The following FAM227A variants were observed in gnomAD, a reference collection of about 807,000 sequenced individuals.
FAM227A encodes the protein protein FAM227A.
In FAM227A, 80 loss-of-function variants were observed where a neutral mutation model predicts 74.7. That is an observed-to-expected ratio of 1.07 (90% CI 0.89 to 1.29). The LOEUF (loss-of-function observed/expected upper bound fraction) is 1.29, where lower values mean the gene tolerates loss of function less well. Among genes scored for constraint, FAM227A ranks in the 50% most tolerant of loss-of-function variants. The pLI is 0.00. For synonymous variants in FAM227A, 237 were observed against 241.8 expected (o/e 0.98, Z 0.19); for missense variants, 654 against 683.4 (o/e 0.96, Z 0.48).
chr22:38,580,557 A>C lies in FAM227A; in HGVS notation c.*5568T>G, dbSNP rs1240883079. 1.3e-5 allele frequency: 2 copies of C among 152,214 alleles called. No individual in the cohort carries two copies. The highest frequency in any genetic ancestry group is 4.8e-5 in the African/African-American group (2 of 41,450). 9.4% of individuals were successfully genotyped at this position (152,214 alleles called of 1,614,324 possible). On this transcript the variant is annotated 3_prime_UTR_variant, in exon 17 of 17. Transcript: ENST00000535113. ...AGCCATGGATAATCAACCTAGATCC[A>C]TTAATTCATTAGGGGTTTCAAAATG...
chr22:38,640,190 C>T (rs796642082), intron 3 of FAM227A, among the ~76,000 whole-genome samples: 2 of 151,972 alleles, frequency 1.3e-5, no homozygotes, highest in Non-Finnish European at 2.9e-5. Flanking sequence ...CCTGCCACCA[C>T]GCCCGGCTAA....
chr22:38,636,613 A>G lies in FAM227A; in HGVS notation c.373-16T>C. On this transcript the variant is annotated splice_polypyrimidine_tract_variant and intron_variant, in intron 5 of 16. Transcript: ENST00000535113. The stretch of plus-strand genomic sequence containing the variant: ...CTGCTGTTTTCTGAAGCAAAAGAGC[A>G]GAATATGAAAATGGGGTTCACATTT... The G allele has an allele frequency of 6.5e-7, 1 of 1,549,124 alleles. No homozygotes were observed. Among genetic ancestry groups the G allele is most frequent in the Non-Finnish European group, 8.7e-7 (1 of 1,145,850 alleles).
At chr22:38,642,512 T>C (rs1453610441) in intron 3 of FAM227A, among the ~76,000 whole-genome samples, 2 of 152,134 alleles carry the variant, frequency 1.3e-5, no homozygotes, top group African/African-American at 4.8e-5. Context: ...ATGAAGGAAA[T>C]GATAAGTTAG....
At chr22:38,628,178 G>T in intron 8 of FAM227A, 60 bp downstream of exon 8, 1 of 975,180 alleles carries the variant, frequency 1.0e-6, no homozygotes, top group Non-Finnish European at 1.6e-6. Context: ...CATTCTCTTG[G>T]CATCAGAAAT....
intron 11 of FAM227A, among the ~76,000 whole-genome samples, chr22:38,619,327 T>C (rs1386721442): frequency 6.6e-6 from 1 of 151,942 alleles, no homozygotes; most frequent in Admixed American, 6.6e-5. Context: ...TTTATTTATT[T>C]ATTTATTTAT....
At chr22:38,629,030 T>C in intron 6 of FAM227A, 95 bp from the exon 7 acceptor site, 1 of 755,432 alleles carries the variant, frequency 1.3e-6, no homozygotes, top group South Asian at 1.8e-5. Flanking sequence ...AAAAACCACC[T>C]AATCTGTTAG....
chr22:38,646,242 G>A (rs1273857589), intron 2 of FAM227A, among the ~76,000 whole-genome samples: 1 of 125,144 alleles, frequency 8.0e-6, no homozygotes, highest in Admixed American at 8.2e-5. Flanking sequence ...TTTCCTTCCA[G>A]TATTTCTTTT....
In FAM227A at chr22:38,579,601, A is replaced by G. The variant is rs779952765; in HGVS notation, c.*6524T>C. ...CAAATATGCACAAAAGTAAAACAGT[A>G]TAATATTCCCATCACCCATCTTCAA... On this transcript the variant is annotated 3_prime_UTR_variant, in exon 17 of 17. Transcript: ENST00000535113. 1 of 152,172 alleles carries G rather than the reference A, an allele frequency of 6.6e-6. No homozygotes were observed. The highest frequency in any genetic ancestry group is 1.5e-5 in the Non-Finnish European group (1 of 68,036). 9.4% of individuals were successfully genotyped at this position (152,172 alleles called of 1,614,324 possible).
intron 6 of FAM227A, among the ~76,000 whole-genome samples, chr22:38,632,398 C>T (rs2145626069): frequency 6.6e-6 from 1 of 152,216 alleles, no homozygotes. Flanking sequence ...GGAGGTGGGT[C>T]AGTTACAAAA....
chr22:38,582,101 A>G lies in FAM227A; in HGVS notation c.*4024T>C, dbSNP rs563249333. ...AATTGACATATGAGAAACTGCACAC[A>G]TTTAAAGTGTATTTAGGTGTGTATA... On this transcript the variant is annotated 3_prime_UTR_variant, in exon 17 of 17. Coordinates refer to ENST00000535113, the MANE Select transcript of FAM227A (RefSeq NM_001013647.2). The G allele has an allele frequency of 4.4e-6, 2 of 455,980 alleles. No individual in the cohort carries two copies. Among genetic ancestry groups the G allele is most frequent in the African/African-American group, 2.0e-5 (1 of 50,234 alleles). 28.2% of individuals were successfully genotyped at this position (455,980 alleles called of 1,614,324 possible). A position where few individuals can be genotyped will look rare whatever the true frequency, so the allele number is the denominator to read the frequency against.
chr22:38,609,894 C>T (rs776772302), intron 11 of FAM227A, among the ~76,000 whole-genome samples: 12 of 152,068 alleles, frequency 7.9e-5, no homozygotes, highest in East Asian at 1.9e-4. Context: ...GCCTCAGCCT[C>T]TTGAGTAGCT....
In FAM227A at chr22:38,620,287, T is replaced by C; in HGVS notation, c.963A>G (p.Arg321=). The C allele has an allele frequency of 6.5e-7, 1 of 1,550,242 alleles. No homozygotes were observed. The highest frequency in any genetic ancestry group is 8.7e-7 in the Non-Finnish European group (1 of 1,145,776). ...TCTTACCAGCAAACAAAGAAAACTC[T>C]CTCCCTATAGAAGGGGAAAAGCTGT... ...MLYRRRLTKG[R]EFSLFAGKRA... is the part of the protein sequence containing the mutation. Residue 321 remains arginine (R), a synonymous_variant, in exon 11 of 17, where the codon AGA becomes AGG. Transcript: ENST00000535113.
chr22:38,626,253 G>A lies in FAM227A; in HGVS notation c.777C>T (p.Cys259=). Residue 259 remains cysteine, a synonymous_variant, in exon 9 of 17, where the codon TGC becomes TGT. Transcript: ENST00000535113. ...GCGTGTCGAACCAGGACTGTGGAAA[G>A]CAGCAACAGAAGCTGGTGTACACGG... ...SKAVYTSFCC[C]FPQSWFDTHE... 1 of 1,551,730 alleles carries A rather than the reference G, an allele frequency of 6.4e-7. No individual in the cohort carries two copies. Among genetic ancestry groups the A allele is most frequent in the African/African-American group, 1.4e-5 (1 of 73,188 alleles).
In FAM227A at chr22:38,603,443, G is replaced by A. The variant is rs959954742; in HGVS notation, c.1221+1811C>T. 3.4e-5 allele frequency among the ~76,000 whole-genome samples: 5 copies of A among 148,000 alleles called. No individual in the cohort carries two copies. In the South Asian group the frequency reaches 6.4e-4, roughly 19 times the overall value. ...GTAGAAGTTGCAGTGAGCCAAGATC[G>A]CACCACTGCACTCCAGCCTGGGCAA... is the stretch of plus-strand genomic sequence containing the variant. On this transcript the variant is annotated intron_variant, in intron 13 of 16. Transcript: ENST00000535113.
chr22:38,643,953 C>T (rs1161496394), intron 3 of FAM227A, among the ~76,000 whole-genome samples: 2 of 151,904 alleles, frequency 1.3e-5, no homozygotes, highest in Admixed American at 1.3e-4. Context: ...CGAGACCACC[C>T]TGGCTAACAT....
At chr22:38,645,686 A>T in intron 2 of FAM227A, 41 bp from the exon 3 acceptor site, 1 of 1,280,112 alleles carries the variant, frequency 7.8e-7, no homozygotes, top group Non-Finnish European at 1.1e-6. Context: ...GGTGATGATT[A>T]CACACACAAC....
intron 1 of FAM227A, among the ~76,000 whole-genome samples, chr22:38,652,868 C>T (rs1198379484): frequency 7.6e-6 from 1 of 131,716 alleles, no homozygotes; most frequent in Non-Finnish European, 1.6e-5. Context: ...CAGAGCAAGA[C>T]TCCATCTCAA....
At position 38,580,108 on chromosome 22, in the gene FAM227A, A is replaced by G. The variant is rs146312081; in HGVS notation, c.*6017T>C. On this transcript the variant is annotated 3_prime_UTR_variant, in exon 17 of 17. Coordinates refer to ENST00000535113, the MANE Select transcript of FAM227A (RefSeq NM_001013647.2). The stretch of plus-strand genomic sequence containing the variant: ...GCTAATTTTTACTTTTTTTGTAGAG[A>G]CAAGGTCTCACTATGTTACCCGGTT... The G allele has an allele frequency of 4.1e-4, 63 of 152,218 alleles. No homozygotes were observed. Among genetic ancestry groups the G allele is most frequent in the African/African-American group, 1.4e-3 (60 of 41,546 alleles). The allele number at this position is 152,218 out of a possible 1,614,324, so 9.4% of individuals were successfully genotyped here.
At position 38,650,011 on chromosome 22, in the gene FAM227A, A is replaced by G; in HGVS notation, c.142+16T>C. 6.4e-7 allele frequency: 1 copy of G among 1,551,946 alleles called. No individual in the cohort carries two copies. The highest frequency in any genetic ancestry group is 8.7e-7 in the Non-Finnish European group (1 of 1,146,856). On this transcript the variant is annotated intron_variant, in intron 2 of 16. Transcript: ENST00000535113. ...TGTATTTGGTCTGATTGTAGGTGAC[A>G]TCACCAGAAGGATACAGGGTGGATT...
Sources: allele counts gnomAD v4.1 joint callset (sites outside exome capture counted in the v4.1 genomes callset), GRCh38; gene constraint gnomAD v4.1.1; transcripts MANE v1.5; gene names NCBI Gene and HGNC (gene_info 2026-07-23, HGNC 2026-07-21).